MAT1A: variants seen among roughly 807,000 people sequenced by gnomAD.
MAT1A encodes methionine adenosyltransferase 1A.
MAT1A carries 19 observed loss-of-function variants against 44.0 expected under a neutral mutation model. The ratio of observed to expected loss-of-function variants is 0.43; its 90% confidence interval spans 0.30 to 0.63. MAT1A has a LOEUF of 0.63. Ranked by LOEUF, MAT1A falls within the 30% of genes least tolerant of loss-of-function variation. MAT1A has a pLI of 0.12. For synonymous variants in MAT1A, 205 were observed against 205.6 expected, an observed-to-expected ratio of 1.00 and a Z score of 0.03; for missense variants, 397 against 531.0, an observed-to-expected ratio of 0.75 and a Z score of 2.48.
intron 5 of MAT1A, 58 bp downstream of exon 5, chr10:80,280,115 G>T (rs963980190): frequency 6.3e-7 from 1 of 1,584,386 alleles, no homozygotes; most frequent in Admixed American, 1.7e-5. Context: ...GAATCAAGAG[G>T]ATTTGGGGGT....
chr10:80,280,841 G>A (rs746361896), intron 3 of MAT1A, 49 bp from the exon 4 acceptor site: 7 of 1,401,756 alleles, frequency 5.0e-6, no homozygotes, highest in Non-Finnish European at 6.1e-6. Context: ...CAGAAGGAGG[G>A]GGCCACAAAC....
At position 80,289,341 on chromosome 10, in the gene MAT1A, C is replaced by T; in HGVS notation, c.83G>A (p.Gly28Glu). Reference sequence around the variant, plus strand: ...CAAGACAGCCTACTTACCCGGGTGTCCCTCTCCCACAGACTCCGATGTGAA... The same window carrying T: ...CAAGACAGCCTACTTACCCGGGTGTTCCTCTCCCACAGACTCCGATGTGAA... ...FMFTSESVGE[G>E]HPDKICDQIS... is the part of the protein sequence containing the mutation. The change falls in exon 1 of 9, where the codon GGA becomes GAA. Residue 28 changes from glycine (G) to glutamate (E), a missense_variant. Physicochemically the swap from Gly to Glu is moderately conservative, Grantham distance 98. Transcript: ENST00000372213. 1 of 1,614,090 alleles carries T rather than the reference C, an allele frequency of 6.2e-7. No homozygotes were observed.
At chr10:80,280,813 C>A in intron 3 of MAT1A, 21 bp from the exon 4 acceptor site, 2 of 1,577,742 alleles carry the variant, frequency 1.3e-6, no homozygotes, top group Non-Finnish European at 1.7e-6. Flanking sequence ...GCAAAGTGAG[C>A]CTAAGTGGGG....
Position 80,274,508 on chromosome 10 carries a change from A to G in MAT1A, c.1085+12T>C. ...GCAAGGTCCTGTGTAATAGCAGCGC[A>G]TGGCACTTTACCTGACAATGACGCC... is the stretch of plus-strand genomic sequence containing the variant. On this transcript the variant is annotated intron_variant, in intron 8 of 8. Transcript: ENST00000372213. 4 of 1,614,114 alleles carry G rather than the reference A, an allele frequency of 2.5e-6. No individual in the cohort carries two copies. The highest frequency in any genetic ancestry group is 3.4e-6 in the Non-Finnish European group (4 of 1,179,988).
At position 80,272,954 on chromosome 10, in the gene MAT1A, T is replaced by C. The variant is rs551301557; in HGVS notation, c.*827A>G. ...GAGCTAGTGGGTTAATCCCCTAATTTCCAGTAACCTCAGGCCTTCAGGACA... is the reference window on the plus strand; with the variant it reads ...GAGCTAGTGGGTTAATCCCCTAATTCCCAGTAACCTCAGGCCTTCAGGACA... On this transcript the variant is annotated 3_prime_UTR_variant, in exon 9 of 9. Transcript: ENST00000372213. The C allele has an allele frequency of 6.6e-6, 1 of 152,268 alleles. No homozygotes were observed. The highest frequency in any genetic ancestry group is 2.1e-4 in the South Asian group (1 of 4,826). The allele number at this position is 152,268 out of a possible 1,614,324, so 9.4% of individuals were successfully genotyped here.
chr10:80,287,026 A>T (rs1204533754), intron 1 of MAT1A, among the ~76,000 whole-genome samples: 1 of 152,160 alleles, frequency 6.6e-6, no homozygotes, highest in Non-Finnish European at 1.5e-5. Context: ...GCCTCTACAC[A>T]CTTCTACCAC....
chr10:80,276,817 T>C (rs1200842440), intron 5 of MAT1A, among the ~76,000 whole-genome samples: 2 of 152,238 alleles, frequency 1.3e-5, no homozygotes, highest in African/African-American at 2.4e-5. Flanking sequence ...TATTCCCACA[T>C]GGGGCCACAA....
intron 2 of MAT1A, among the ~76,000 whole-genome samples, chr10:80,284,262 A>G (rs748454532): frequency 2.0e-5 from 3 of 152,210 alleles, no homozygotes; most frequent in Non-Finnish European, 2.9e-5. Flanking sequence ...ATAAGCTGTG[A>G]TCCTGGACAA....
At chr10:80,276,028 G>A (rs1202452055) in intron 6 of MAT1A, among the ~76,000 whole-genome samples, 1 of 152,212 alleles carries the variant, frequency 6.6e-6, no homozygotes, top group Non-Finnish European at 1.5e-5. Context: ...AGCTGTCCAC[G>A]TGCAAATGCT....
Position 80,285,560 on chromosome 10 carries a change from CT to C in MAT1A, c.120del (p.Val41CysfsTer43). On this transcript the variant is annotated frameshift_variant, in exon 2 of 9. Coordinates refer to ENST00000372213, the MANE Select transcript of MAT1A (RefSeq NM_000429.3). LOFTEE classifies it high-confidence loss of function. ...TCTTGCTTGAGATGGGCATCCAGCA[CT>C]GCATCACTGATCTGGTCACAGATCT... ...PDKICDQISD[A>X]VLDAHLKQDP... 1 of 1,614,068 alleles carries C rather than the reference CT, an allele frequency of 6.2e-7. No individual in the cohort carries two copies. The highest frequency in any genetic ancestry group is 8.5e-7 in the Non-Finnish European group (1 of 1,179,954).
At chr10:80,276,855 C>T (rs1198582750) in intron 5 of MAT1A, among the ~76,000 whole-genome samples, 5 of 152,248 alleles carry the variant, frequency 3.3e-5, no homozygotes, top group Non-Finnish European at 4.4e-5. Context: ...CTTGAGTTTC[C>T]TCTCAACTTC....
chr10:80,280,389 TC>T, intron 4 of MAT1A, 73 bp from the exon 5 acceptor site: 1 of 1,586,156 alleles, frequency 6.3e-7, no homozygotes, highest in Non-Finnish European at 8.6e-7. Flanking sequence ...AAGCCTGAAA[TC>T]TCCCTGGTGT....
At chr10:80,278,498 A>C (rs920786025) in intron 5 of MAT1A, among the ~76,000 whole-genome samples, 1 of 152,338 alleles carries the variant, frequency 6.6e-6, no homozygotes, top group Non-Finnish European at 1.5e-5. Context: ...CAGGACAGGC[A>C]GGCCGACATC....
chr10:80,285,682 C>T, intron 1 of MAT1A, 93 bp from the exon 2 acceptor site: 1 of 839,052 alleles, frequency 1.2e-6, no homozygotes. Context: ...TTTCAGTTTA[C>T]ATATCAACTT....
At chr10:80,283,858 C>T in intron 3 of MAT1A, 58 bp downstream of exon 3, 2 of 1,612,388 alleles carry the variant, frequency 1.2e-6, no homozygotes, top group Admixed American at 1.7e-5. Flanking sequence ...TGACTCAGCA[C>T]TGGGGTCTCT....
At chr10:80,279,109 T>C (rs1841526896) in intron 5 of MAT1A, among the ~76,000 whole-genome samples, 1 of 152,102 alleles carries the variant, frequency 6.6e-6, no homozygotes, top group African/African-American at 2.4e-5. Flanking sequence ...AAGCCCAAAG[T>C]TGTAGAAAAC....
Position 80,276,444 on chromosome 10 carries a change from T to C in MAT1A, c.700A>G (p.Lys234Glu), listed in dbSNP as rs1413038962. ...EQVIRAVVPA[K>E]YLDEDTVYHL... is the part of the protein sequence containing the mutation. ...TAGACGGTGTCTTCGTCCAGGTACT[T>C]GGCCGGCACCACGGCCCTGATGACT... The change falls in exon 6 of 9, where the codon AAG becomes GAG. Residue 234 changes from lysine to glutamate, a missense_variant. Lys to Glu is a moderately conservative substitution (Grantham distance 56). Transcript: ENST00000372213. 3.7e-6 allele frequency: 6 copies of C among 1,614,192 alleles called. No homozygotes were observed. In the South Asian group the frequency reaches 5.5e-5, roughly 15 times the overall value.
chr10:80,274,597 T>A lies in MAT1A; in HGVS notation c.1008A>T (p.Gly336=), dbSNP rs1264236340. The A allele has an allele frequency of 2.5e-6, 4 of 1,614,076 alleles. No individual in the cohort carries two copies. The highest frequency in any genetic ancestry group is 3.4e-6 in the Non-Finnish European group (4 of 1,180,038). ...EPLSISIFTY[G]TSQKTERELL... is the part of the protein sequence containing the mutation. The stretch of plus-strand genomic sequence containing the variant: ...GCTCTCGCTCTGTCTTCTGAGAGGT[T>A]CCGTAGGTGAAGATGGAAATGGACA... Residue 336 remains glycine (G), a synonymous_variant, in exon 8 of 9, where the codon GGA becomes GGT. Coordinates refer to ENST00000372213, the MANE Select transcript of MAT1A (RefSeq NM_000429.3).
In MAT1A at chr10:80,273,810, A is replaced by G; in HGVS notation, c.1159T>C (p.Trp387Arg). The change falls in exon 9 of 9, where the codon TGG (tryptophan) becomes CGG (arginine). Residue 387 changes from tryptophan to arginine, a missense_variant. Transcript: ENST00000372213. Reference protein sequence around the residue: ...YGHFGRSEFPWEVPRKLVF With the variant: ...YGHFGRSEFPREVPRKLVF The stretch of plus-strand genomic sequence containing the variant: ...AATACAAGCTTCCTGGGAACCTCCC[A>G]TGGGAACTCGCTTCTTCCGAAATGG... 6.2e-7 allele frequency: 1 copy of G among 1,613,694 alleles called. No homozygotes were observed. The highest frequency in any genetic ancestry group is 1.1e-5 in the South Asian group (1 of 91,052).
Sources: allele counts gnomAD v4.1 joint callset (sites outside exome capture counted in the v4.1 genomes callset), GRCh38; gene constraint gnomAD v4.1.1; transcripts MANE v1.5; gene names NCBI Gene and HGNC (gene_info 2026-07-23, HGNC 2026-07-21).